Variants in DLGAP4 observed in about 807,000 individuals in gnomAD.
DLGAP4 encodes DLG associated protein 4, also known as disks large-associated protein 4.
DLGAP4 carries 18 observed loss-of-function variants against 86.9 expected under a neutral mutation model. The ratio of observed to expected loss-of-function variants is 0.21; its 90% CI spans 0.14 to 0.31. DLGAP4 has a LOEUF of 0.31. Among genes scored for constraint, DLGAP4 ranks in the 10% least tolerant of loss-of-function variants. The pLI, the probability that DLGAP4 is intolerant of heterozygous loss-of-function variation, is 1.00. For synonymous variants in DLGAP4, 548 were observed against 574.3 expected (o/e 0.95, Z 0.65); for missense variants, 1,085 against 1,362.6 (o/e 0.80, Z 3.21).
intron 7 of DLGAP4, chr20:36,462,497 C>T: frequency 2.5e-6 from 4 of 1,597,788 alleles, no homozygotes; most frequent in Non-Finnish European, 3.4e-6. Flanking sequence ...CCCCTTCTCT[C>T]TGCTCCTTGT....
Position 36,524,255 on chromosome 20 carries a change from G to A in DLGAP4, c.2518G>A (p.Gly840Arg), listed in dbSNP as rs2147866449. 2 of 1,614,180 alleles carry A rather than the reference G, an allele frequency of 1.2e-6. No individual in the cohort carries two copies. Among genetic ancestry groups the A allele is most frequent in the Non-Finnish European group, 1.7e-6 (2 of 1,180,004 alleles). ...TTCCACCCTCTGTTTCTCAGTCTTA[G>A]GAAAAGTCCTCAGTGCTGTGGGCAG... The part of the protein sequence containing the change: ...KENNLSEEVL[G>R]KVLSAVGSAQ... The change falls in exon 11 of 13, where the codon GGA becomes AGA. Residue 840 changes from glycine to arginine, a missense_variant. Gly to Arg is a moderately radical substitution (Grantham distance 125, BLOSUM62 -2). Transcript: ENST00000339266.
intron 1 of DLGAP4, among the ~76,000 whole-genome samples, chr20:36,323,667 C>T (rs1187493889): frequency 1.3e-5 from 2 of 152,224 alleles, no homozygotes; most frequent in East Asian, 3.9e-4. Context: ...TTTGATAGTG[C>T]CTTACAGCAG....
At chr20:36,427,685 G>A (rs1211837644) in intron 2 of DLGAP4, among the ~76,000 whole-genome samples, 2 of 152,098 alleles carry the variant, frequency 1.3e-5, no homozygotes, top group Non-Finnish European at 2.9e-5. Context: ...GCTCACGCCT[G>A]TAATCCCAGC....
chr20:36,466,064 T>G (rs915272203), intron 7 of DLGAP4, among the ~76,000 whole-genome samples: 5 of 152,180 alleles, frequency 3.3e-5, no homozygotes, highest in African/African-American at 1.2e-4. Context: ...GTTTCTTGTC[T>G]TTATAAAGCT....
intron 5 of DLGAP4, among the ~76,000 whole-genome samples, chr20:36,441,793 G>A (rs2033453739): frequency 6.6e-6 from 1 of 151,980 alleles, no homozygotes; most frequent in Non-Finnish European, 1.5e-5. Context: ...TCTCCAGCGT[G>A]TCTCCATCTC....
At chr20:36,457,364 G>A (rs2033903387) in intron 7 of DLGAP4, among the ~76,000 whole-genome samples, 1 of 149,910 alleles carries the variant, frequency 6.7e-6, no homozygotes, top group Admixed American at 6.7e-5. Flanking sequence ...GACTACAGGC[G>A]CTCGCCACCA....
chr20:36,445,815 C>T (rs969746363), intron 6 of DLGAP4, among the ~76,000 whole-genome samples: 1 of 152,196 alleles, frequency 6.6e-6, no homozygotes, highest in Admixed American at 6.5e-5. Flanking sequence ...CCAGCTTATC[C>T]TCTGTGGTCT....
In DLGAP4 at chr20:36,320,805, C is replaced by T. The variant is rs564942266; in HGVS notation, c.-304+14293C>T. Among the ~76,000 whole-genome samples the T allele has an allele frequency of 2.0e-5, 3 of 152,294 alleles. No homozygotes were observed. The South Asian group carries it at 6.2e-4, about 32-fold the overall frequency. On this transcript the variant is annotated intron_variant, in intron 1 of 12. Coordinates refer to ENST00000339266, the MANE Select transcript of DLGAP4 (RefSeq NM_001365621.2). ...CCGACTTTGGACGGGTCTCCCTCTG[C>T]ACCCTCTCTGCCGCCTAAGGCCACA...
At chr20:36,457,996 G>T (rs565597247) in intron 7 of DLGAP4, among the ~76,000 whole-genome samples, 84 of 152,252 alleles carry the variant, frequency 5.5e-4, no homozygotes, top group African/African-American at 1.9e-3. Flanking sequence ...GGCGGGGGGT[G>T]AGTGGTACAA....
Position 36,431,992 on chromosome 20 carries a change from CCCAAGCCA to C in DLGAP4, c.281_288del (p.Ala94AspfsTer13). On this transcript the variant is annotated frameshift_variant, in exon 3 of 13. Transcript: ENST00000339266. LOFTEE classifies it high-confidence loss of function. The surrounding 1 kb of genome is among the most constrained non-coding windows in gnomAD (Gnocchi z 5.1). ...GAGGAGAGCCCCTTCCCCAGCCATG[CCCAAGCCA>C]CCAAGATCAACCGGCTGCCCGCCAA... 1 of 1,614,208 alleles carries C rather than the reference CCCAAGCCA, an allele frequency of 6.2e-7. No individual in the cohort carries two copies. Among genetic ancestry groups the C allele is most frequent in the Non-Finnish European group, 8.5e-7 (1 of 1,180,036 alleles).
intron 1 of DLGAP4, among the ~76,000 whole-genome samples, chr20:36,364,810 T>A (rs1028098807): frequency 3.9e-5 from 6 of 152,064 alleles, no homozygotes; most frequent in Non-Finnish European, 1.5e-5. Context: ...TATAAAGAAG[T>A]GGGGCCAAGC....
chr20:36,525,660 C>G (rs183882353), intron 11 of DLGAP4, 191 bp from the exon 12 acceptor site: 1 of 695,030 alleles, frequency 1.4e-6, no homozygotes. Context: ...CCCCAAAGAT[C>G]CCCACCACTA....
intron 10 of DLGAP4, among the ~76,000 whole-genome samples, chr20:36,521,207 G>A (rs2037358666): frequency 6.6e-6 from 1 of 151,932 alleles, no homozygotes; most frequent in Non-Finnish European, 1.5e-5. Flanking sequence ...TGCCTGCCTT[G>A]GCCTTTGCCT....
At chr20:36,462,184 G>A in intron 7 of DLGAP4, 1 of 1,061,194 alleles carries the variant, frequency 9.4e-7, no homozygotes, top group Non-Finnish European at 1.1e-6. Context: ...GTCCCAAGTT[G>A]GGGTCTTTCT....
chr20:36,382,527 C>CT (rs749210064), intron 2 of DLGAP4, among the ~76,000 whole-genome samples: 5,140 of 110,522 alleles, frequency 0.047, 309 homozygotes, highest in South Asian at 0.056. Context: ...TTCTTTTTTT[C>CT]TTTTTTTTTT....
intron 10 of DLGAP4, among the ~76,000 whole-genome samples, chr20:36,507,272 G>C (rs568698431): frequency 3.9e-5 from 6 of 152,146 alleles, no homozygotes; most frequent in African/African-American, 1.4e-4. Context: ...CTGTTGCCCA[G>C]GCTGGAGTGC....
At chr20:36,495,998 G>T (rs560550250) in intron 7 of DLGAP4, among the ~76,000 whole-genome samples, 19 of 152,142 alleles carry the variant, frequency 1.2e-4, no homozygotes, top group African/African-American at 4.3e-4. Flanking sequence ...TCAGCCTTCC[G>T]AGTAGCTGGG....
chr20:36,525,728 C>A, intron 11 of DLGAP4, 123 bp from the exon 12 acceptor site: 1 of 1,311,358 alleles, frequency 7.6e-7, no homozygotes, highest in Non-Finnish European at 1.1e-6. Flanking sequence ...TACCCAGACA[C>A]TAGGCCTCAA....
intron 1 of DLGAP4, among the ~76,000 whole-genome samples, chr20:36,335,900 C>T (rs1015676337): frequency 2.6e-5 from 4 of 152,256 alleles, no homozygotes; most frequent in Admixed American, 2.6e-4. Context: ...GACTTGTTGA[C>T]TCCCAGGGGT....
Sources: allele counts gnomAD v4.1 joint callset (sites outside exome capture counted in the v4.1 genomes callset), GRCh38; gene constraint gnomAD v4.1.1; non-coding constraint Gnocchi (gnomAD v3.1); transcripts MANE v1.5; gene names NCBI Gene and HGNC (gene_info 2026-07-23, HGNC 2026-07-21).